The following PDSS2 variants were observed in gnomAD, a reference collection of about 807,000 sequenced individuals.
The protein encoded by PDSS2 is all trans-polyprenyl-diphosphate synthase PDSS2.
A neutral mutation model predicts 44.5 loss-of-function variants in PDSS2; 31 were observed. The observed-to-expected ratio is 0.70, with a 90% confidence interval of 0.52 to 0.94. The LOEUF is 0.94. PDSS2 is among the 40% of genes least tolerant of loss of function. The pLI is 0.00. For synonymous variants in PDSS2, 157 were observed against 180.3 expected, an observed-to-expected ratio of 0.87 and a Z score of 1.03; for missense variants, 452 against 482.2, an observed-to-expected ratio of 0.94 and a Z score of 0.59.
At chr6:107,166,518 C>G (rs1771356141) in intron 7 of PDSS2, among the ~76,000 whole-genome samples, 1 of 152,060 alleles carries the variant, frequency 6.6e-6, no homozygotes, top group Non-Finnish European at 1.5e-5. Context: ...GCGCCTGCCA[C>G]CACGCCTGGC....
chr6:107,297,700 T>C (rs562531606), intron 2 of PDSS2, among the ~76,000 whole-genome samples: 1 of 151,426 alleles, frequency 6.6e-6, no homozygotes, highest in Admixed American at 6.6e-5. Flanking sequence ...TTAAGGCTCA[T>C]GAAAGGATGA....
chr6:107,455,122 G>T (rs1032992475), intron 1 of PDSS2, among the ~76,000 whole-genome samples: 5 of 151,408 alleles, frequency 3.3e-5, no homozygotes, highest in African/African-American at 9.7e-5. Flanking sequence ...TACTTATTCT[G>T]TGCCTTTCCA....
intron 1 of PDSS2, among the ~76,000 whole-genome samples, chr6:107,359,087 T>G (rs1016001268): frequency 7.1e-6 from 1 of 140,704 alleles, no homozygotes; most frequent in Non-Finnish European, 1.5e-5. Flanking sequence ...ATCAGCTCAC[T>G]GCAACCTCAG....
chr6:107,382,467 C>A (rs1779482099), intron 1 of PDSS2, among the ~76,000 whole-genome samples: 1 of 152,112 alleles, frequency 6.6e-6, no homozygotes, highest in Non-Finnish European at 1.5e-5. Context: ...AAAACTACAG[C>A]AATAAAGACA....
intron 3 of PDSS2, among the ~76,000 whole-genome samples, chr6:107,252,772 A>G (rs1245823862): frequency 6.6e-6 from 1 of 152,220 alleles, no homozygotes; most frequent in African/African-American, 2.4e-5. Context: ...TCAACAAAAA[A>G]TGAATGAAAG....
At chr6:107,161,372 G>A (rs1771124094) in intron 7 of PDSS2, among the ~76,000 whole-genome samples, 1 of 151,730 alleles carries the variant, frequency 6.6e-6, no homozygotes, top group African/African-American at 2.4e-5. Context: ...CCCAGCTACT[G>A]TGGAGGCTGA....
chr6:107,252,589 G>A (rs1423984554), intron 3 of PDSS2, among the ~76,000 whole-genome samples: 2 of 152,158 alleles, frequency 1.3e-5, no homozygotes, highest in African/African-American at 4.8e-5. Context: ...GGTAACATTT[G>A]TCAAAAAGGT....
chr6:107,155,877 C>CTTTT (rs60840656), intron 7 of PDSS2, among the ~76,000 whole-genome samples: 9 of 51,668 alleles, frequency 1.7e-4, no homozygotes, highest in Admixed American at 2.6e-4. Flanking sequence ...CTTGCCCGGC[C>CTTTT]TTTTTTTTTT....
At chr6:107,405,573 C>T (rs73513189) in intron 1 of PDSS2, among the ~76,000 whole-genome samples, 4,076 of 152,094 alleles carry the variant, frequency 0.027, 202 homozygotes, top group African/African-American at 0.094. Flanking sequence ...AGAGGCCGGG[C>T]GCGGTGGCTC....
chr6:107,277,688 C>G lies in PDSS2; in HGVS notation c.432-3461G>C, dbSNP rs184960472. Among the ~76,000 whole-genome samples, 559 of 152,248 alleles carry G rather than the reference C, an allele frequency of 3.7e-3. 1 individual carries two copies. The highest frequency in any genetic ancestry group is 0.01 in the Middle Eastern group (3 of 294). On this transcript the variant is annotated intron_variant, in intron 2 of 7. Transcript: ENST00000369037. ...AATAATCAGGCCAGGCGCGGTGGCTCAGGCCTGTAATCCCTGCACTATGGG... is the reference window on the plus strand; with the variant it reads ...AATAATCAGGCCAGGCGCGGTGGCTGAGGCCTGTAATCCCTGCACTATGGG...
chr6:107,192,539 C>T (rs138555463), intron 7 of PDSS2: 41 of 316,804 alleles, frequency 1.3e-4, no homozygotes, highest in South Asian at 6.4e-4. Context: ...CACACCCTAC[C>T]GCAAATGGCC....
chr6:107,165,566 A>C (rs1364510607), intron 7 of PDSS2, among the ~76,000 whole-genome samples: 21 of 152,280 alleles, frequency 1.4e-4, no homozygotes, highest in African/African-American at 4.8e-4. Flanking sequence ...TGGTTACTTT[A>C]GCCTTGTAGT....
chr6:107,397,660 T>C (rs1227382875), intron 1 of PDSS2, among the ~76,000 whole-genome samples: 1 of 152,216 alleles, frequency 6.6e-6, no homozygotes. Flanking sequence ...AGACAAATTA[T>C]GGTCTTTCAA....
At chr6:107,271,555 T>G (rs1775598957) in intron 3 of PDSS2, among the ~76,000 whole-genome samples, 1 of 152,166 alleles carries the variant, frequency 6.6e-6, no homozygotes, top group Non-Finnish European at 1.5e-5. Flanking sequence ...TGGGCTACAG[T>G]ACAATTGGGT....
chr6:107,293,598 G>A (rs1776417048), intron 2 of PDSS2, among the ~76,000 whole-genome samples: 1 of 152,094 alleles, frequency 6.6e-6, no homozygotes, highest in Non-Finnish European at 1.5e-5. Flanking sequence ...AGAGCACACT[G>A]GAGTTTCCAT....
intron 7 of PDSS2, among the ~76,000 whole-genome samples, chr6:107,191,878 C>A (rs1772393770): frequency 6.6e-6 from 1 of 152,106 alleles, no homozygotes; most frequent in Non-Finnish European, 1.5e-5. Flanking sequence ...TCTCAAAATG[C>A]TGGGATTAGA....
chr6:107,418,261 G>A (rs1158299491), intron 1 of PDSS2, among the ~76,000 whole-genome samples: 1 of 152,204 alleles, frequency 6.6e-6, no homozygotes, highest in African/African-American at 2.4e-5. Flanking sequence ...AGGAAGGCAG[G>A]AGGGTCAGAT....
intron 2 of PDSS2, among the ~76,000 whole-genome samples, chr6:107,318,073 T>A (rs2115154330): frequency 6.6e-6 from 1 of 152,284 alleles, no homozygotes; most frequent in African/African-American, 2.4e-5. Context: ...TACAAGTGTA[T>A]CTAATAAAAT....
chr6:107,274,667 CTTT>C (rs5878910), intron 2 of PDSS2, among the ~76,000 whole-genome samples: 16 of 106,542 alleles, frequency 1.5e-4, no homozygotes, highest in African/African-American at 1.6e-4. Context: ...ATCTCTCTCT[CTTT>C]TTTTTTTTTT....
Sources: gnomAD v4.1 joint callset for allele counts (sites outside exome capture counted in the v4.1 genomes callset) on GRCh38, gnomAD v4.1.1 for gene constraint, MANE v1.5 for transcripts, NCBI Gene and HGNC (gene_info 2026-07-23, HGNC 2026-07-21) for gene names.